Variants in BAIAP2L2 observed in about 807,000 individuals in gnomAD.
BAIAP2L2 encodes the protein BAR/IMD domain-containing adapter protein 2-like 2.
A neutral mutation model predicts 60.4 loss-of-function variants in BAIAP2L2; 65 were observed. The ratio of observed to expected loss-of-function variants is 1.08; its 90% CI spans 0.88 to 1.32. BAIAP2L2 has a LOEUF of 1.32. Ranked by LOEUF, BAIAP2L2 falls within the 40% of genes most tolerant of loss-of-function variation. The pLI is 0.00. For missense variants in BAIAP2L2, 836 were observed against 741.2 expected (o/e 1.13, Z -1.48); for synonymous variants, 344 against 301.7 (o/e 1.14, Z -1.45).
rs763243600 is a variant in BAIAP2L2 at position 38,085,264 on chromosome 22, G to A, written c.*36C>T. 1 of 1,597,702 alleles carries A rather than the reference G, an allele frequency of 6.3e-7. No individual in the cohort carries two copies. The highest frequency in any genetic ancestry group is 1.1e-5 in the South Asian group (1 of 90,480). On this transcript the variant is annotated 3_prime_UTR_variant, in exon 14 of 14. Coordinates refer to ENST00000381669, the MANE Select transcript of BAIAP2L2 (RefSeq NM_025045.6). ...ATTGCCAGCTCTGAACAGCCCCTGG[G>A]CAGGTGCACTGTGGGGTACGACCTC...
intron 1 of BAIAP2L2, among the ~76,000 whole-genome samples, chr22:38,110,120 G>GGAGAGAGAGAGAGAGAGA (rs1202491630): frequency 5.3e-5 from 1 of 18,876 alleles, no homozygotes; most frequent in Non-Finnish European, 2.1e-4. Flanking sequence ...AGAGAGAGAG[G>GGAGAGAGAGAGAGAGAGA]GAGAGAGAGA....
intron 10 of BAIAP2L2, 29 bp downstream of exon 10, chr22:38,088,719 C>G: frequency 1.6e-6 from 2 of 1,251,728 alleles, no homozygotes; most frequent in Non-Finnish European, 2.3e-6. Flanking sequence ...TCTCAACCCA[C>G]CCCCGGCCCC....
At chr22:38,103,809 G>A (rs2086610794) in intron 4 of BAIAP2L2, among the ~76,000 whole-genome samples, 1 of 149,284 alleles carries the variant, frequency 6.7e-6, no homozygotes, top group Admixed American at 6.8e-5. Context: ...GTTGCAGTGA[G>A]CCGAGATTGC....
At chr22:38,102,822 G>C (rs896344796) in intron 4 of BAIAP2L2, among the ~76,000 whole-genome samples, 1 of 151,872 alleles carries the variant, frequency 6.6e-6, no homozygotes, top group Non-Finnish European at 1.5e-5. Context: ...GGTGGATCAC[G>C]AGGTCAGGAT....
rs958097923 is a variant in BAIAP2L2 at position 38,097,465 on chromosome 22, T to TG, written c.466-288dup. 1.2e-4 allele frequency among the ~76,000 whole-genome samples: 19 copies of TG among 152,180 alleles called. 1 individual carries two copies. The highest frequency in any genetic ancestry group is 4.1e-4 in the South Asian group (2 of 4,822). ...ACCCAGCACAAGCCCAAGCACGGGC[T>TG]GGGGGGGCAGGGGGACGGGTTTAAT... On this transcript the variant is annotated intron_variant, in intron 6 of 13. Transcript: ENST00000381669.
chr22:38,099,608 G>A (rs2086523285), intron 4 of BAIAP2L2, among the ~76,000 whole-genome samples: 1 of 152,102 alleles, frequency 6.6e-6, no homozygotes, highest in African/African-American at 2.4e-5. Flanking sequence ...CGATTCTGTG[G>A]GCCCAGGTGA....
chr22:38,087,313 G>A (rs769988046), intron 10 of BAIAP2L2, 49 bp from the exon 11 acceptor site: 7 of 1,564,816 alleles, frequency 4.5e-6, no homozygotes, highest in African/African-American at 1.4e-5. Flanking sequence ...CAGGCCTGGG[G>A]ACAATGACCA....
Position 38,088,755 on chromosome 22 carries a change from AGCCCTCCAGCTT to A in BAIAP2L2, c.1099_1110del (p.Lys367_Gly370del). On this transcript the variant is annotated inframe_deletion, in exon 10 of 14. Coordinates refer to ENST00000381669, the MANE Select transcript of BAIAP2L2 (RefSeq NM_025045.6). ...TCCAAGGCTCCCACTCACGCGGACG[AGCCCTCCAGCTT>A]GCCGTAGAGCCAGCCGTTCTGGGCC... The A allele has an allele frequency of 1.9e-6, 3 of 1,551,570 alleles. No individual in the cohort carries two copies. In the South Asian group the frequency reaches 3.3e-5, roughly 17 times the overall value.
At chr22:38,104,704 G>C (rs2086629654) in intron 4 of BAIAP2L2, among the ~76,000 whole-genome samples, 1 of 152,110 alleles carries the variant, frequency 6.6e-6, no homozygotes, top group South Asian at 2.1e-4. Flanking sequence ...CACCGTGTTA[G>C]CCAGGATGGT....
At chr22:38,110,867 C>G (rs908825279), upstream of BAIAP2L2, among the ~76,000 whole-genome samples, 6 of 152,150 alleles carry the variant, frequency 3.9e-5, no homozygotes, top group Non-Finnish European at 7.4e-5. Context: ...ACCCCCTCCT[C>G]AAGGACCCCA....
rs759637554 is a variant in BAIAP2L2 at position 38,108,243 on chromosome 22, G to A, written c.214+12C>T. ...CCCAAGAATGGGGTCTGCTGTGGAGGGGGAGCCTCACCCAGAATCTGTGAG... is the reference window on the plus strand; with the variant it reads ...CCCAAGAATGGGGTCTGCTGTGGAGAGGGAGCCTCACCCAGAATCTGTGAG... On this transcript the variant is annotated intron_variant, in intron 3 of 13. Coordinates refer to ENST00000381669, the MANE Select transcript of BAIAP2L2 (RefSeq NM_025045.6). 8.0e-5 allele frequency: 129 copies of A among 1,610,210 alleles called. No individual in the cohort carries two copies. The highest frequency in any genetic ancestry group is 1.0e-4 in the Non-Finnish European group (122 of 1,178,634).
Position 38,098,152 on chromosome 22 carries a change from A to G in BAIAP2L2, c.376T>C (p.Tyr126His). 1 of 1,613,820 alleles carries G rather than the reference A, an allele frequency of 6.2e-7. No individual in the cohort carries two copies. The highest frequency in any genetic ancestry group is 8.5e-7 in the Non-Finnish European group (1 of 1,179,968). Reference protein sequence around the residue: ...KDSRQHYELEYRHRAANLEKC... With the variant: ...KDSRQHYELEHRHRAANLEKC... Reference sequence around the variant, plus strand: ...TCCAGGTTGGCCGCTCGGTGGCGGTACTCGAGCTCATAGTGCTGGCGGCTG... The same window carrying G: ...TCCAGGTTGGCCGCTCGGTGGCGGTGCTCGAGCTCATAGTGCTGGCGGCTG... Residue 126 changes from tyrosine (Y) to histidine (H), a missense_variant, in exon 6 of 14, where the codon TAC (tyrosine) becomes CAC (histidine). Tyr to His is a moderately conservative substitution (Grantham distance 83, BLOSUM62 2). Transcript: ENST00000381669.
chr22:38,100,501 T>G (rs1479822920), intron 4 of BAIAP2L2, among the ~76,000 whole-genome samples: 1 of 151,702 alleles, frequency 6.6e-6, no homozygotes, highest in Non-Finnish European at 1.5e-5. Flanking sequence ...CATGCCAGCC[T>G]GGGCAACAGA....
Position 38,108,328 on chromosome 22 carries a change from C to A in BAIAP2L2, c.141G>T (p.Ala47=), listed in dbSNP as rs368510234. ...GGATGGCACTGAAGTAGACCTCGGC[C>A]GCCTCGGACAGAGCTGTGGACCAGA... is the stretch of plus-strand genomic sequence containing the variant. ...YLRAFHALSE[A]AEVYFSAIQK... The change falls in exon 3 of 14, where the codon GCG becomes GCT. Residue 47 remains alanine (A), a synonymous_variant. Coordinates refer to ENST00000381669, the MANE Select transcript of BAIAP2L2 (RefSeq NM_025045.6). 87 of 1,612,346 alleles carry A rather than the reference C, an allele frequency of 5.4e-5. No individual in the cohort carries two copies. Among genetic ancestry groups the A allele is most frequent in the Non-Finnish European group, 6.8e-6 (8 of 1,179,812 alleles).
At chr22:38,086,700 G>T (rs1197100185) in intron 11 of BAIAP2L2, among the ~76,000 whole-genome samples, 1 of 152,140 alleles carries the variant, frequency 6.6e-6, no homozygotes, top group Non-Finnish European at 1.5e-5. Flanking sequence ...GCCCACTCAA[G>T]ACTGCACCTT....
At position 38,097,035 on chromosome 22, in the gene BAIAP2L2, G is replaced by A. The variant is rs760770799; in HGVS notation, c.609C>T (p.Gly203=). ...LLSNTFLQFF[G]RARGMLQNRV... ...GCTGCCCCCCAGTCCAACTCACCCG[G>A]CCGAAGAACTGCAGGAAGGTGTTGG... Residue 203 remains glycine, a synonymous_variant, in exon 7 of 14, where the codon GGC becomes GGT. Transcript: ENST00000381669. 13 of 1,611,132 alleles carry A rather than the reference G, an allele frequency of 8.1e-6. No individual in the cohort carries two copies. The highest frequency in any genetic ancestry group is 8.5e-6 in the Non-Finnish European group (10 of 1,178,520).
At chr22:38,107,698 A>G (rs1459660146) in intron 4 of BAIAP2L2, among the ~76,000 whole-genome samples, 154 bp downstream of exon 4, 1 of 151,968 alleles carries the variant, frequency 6.6e-6, no homozygotes, top group East Asian at 2.0e-4. Flanking sequence ...TTGAACGACT[A>G]TTGCAGGGAA....
In BAIAP2L2 at chr22:38,085,195, G is replaced by A. The variant is rs960874781; in HGVS notation, c.*105C>T. Reference sequence around the variant, plus strand: ...GGGAGGGCAGCCACCCCCCGTCTCAGGGACCCGCTTCTTGGATCTGCTGCT... The same window carrying A: ...GGGAGGGCAGCCACCCCCCGTCTCAAGGACCCGCTTCTTGGATCTGCTGCT... On this transcript the variant is annotated 3_prime_UTR_variant, in exon 14 of 14. Coordinates refer to ENST00000381669, the MANE Select transcript of BAIAP2L2 (RefSeq NM_025045.6). 3 of 1,297,408 alleles carry A rather than the reference G, an allele frequency of 2.3e-6. No homozygotes were observed. Among genetic ancestry groups the A allele is most frequent in the Non-Finnish European group, 3.2e-6 (3 of 927,298 alleles). 80.4% of individuals were successfully genotyped at this position (1,297,408 alleles called of 1,614,324 possible).
chr22:38,085,794 TC>T, intron 12 of BAIAP2L2, 62 bp from the exon 13 acceptor site: 1 of 1,431,394 alleles, frequency 7.0e-7, no homozygotes. Flanking sequence ...CCCTTGCTCC[TC>T]CCCTCCCTCT....
Sources: gnomAD v4.1 joint callset for allele counts (sites outside exome capture counted in the v4.1 genomes callset) on GRCh38, gnomAD v4.1.1 for gene constraint, MANE v1.5 for transcripts, NCBI Gene and HGNC (gene_info 2026-07-23, HGNC 2026-07-21) for gene names.